PABPC4L: variants seen among roughly 807,000 people sequenced by gnomAD.
The protein encoded by PABPC4L is poly(A) binding protein cytoplasmic 4 like, also known as polyadenylate-binding protein 4-like.
For missense variants in PABPC4L, 452 were observed against 451.4 expected (o/e 1.00, Z -0.01); for synonymous variants, 169 against 164.1 (o/e 1.03, Z -0.23).
At chr4:134,030,941 T>C in the PABPC4L span, among the ~76,000 whole-genome samples, 2 of 152,180 alleles carry the variant, frequency 1.3e-5, no homozygotes, top group South Asian at 2.1e-4. Context: ...CTAAACATTA[T>C]ACCCATTTAT....
the PABPC4L span, among the ~76,000 whole-genome samples, chr4:134,018,586 C>G: frequency 3.3e-5 from 5 of 152,192 alleles, no homozygotes; most frequent in Non-Finnish European, 7.4e-5. Context: ...ACCCTTCTTT[C>G]AAATATTTGT....
chr4:134,173,666 T>C, the PABPC4L span, among the ~76,000 whole-genome samples: 1 of 152,070 alleles, frequency 6.6e-6, no homozygotes, highest in Non-Finnish European at 1.5e-5. Context: ...ACAACTATAG[T>C]TAACAATTTA....
chr4:134,130,365 A>C, the PABPC4L span, among the ~76,000 whole-genome samples: 1 of 152,140 alleles, frequency 6.6e-6, no homozygotes. Context: ...CTGATTCCAC[A>C]GAAATACAAA....
chr4:134,168,649 C>A, the PABPC4L span, among the ~76,000 whole-genome samples: 1 of 151,558 alleles, frequency 6.6e-6, no homozygotes, highest in African/African-American at 2.4e-5. Flanking sequence ...AACTATATGC[C>A]AATAAATTAA....
the PABPC4L span, among the ~76,000 whole-genome samples, chr4:134,026,167 A>C: frequency 8.7e-4 from 133 of 152,200 alleles, no homozygotes; most frequent in African/African-American, 3.0e-3. Context: ...CTCTTATTTA[A>C]AAAAGGGTGA....
the PABPC4L span, among the ~76,000 whole-genome samples, chr4:134,180,597 T>A: frequency 6.6e-6 from 1 of 151,626 alleles, no homozygotes; most frequent in African/African-American, 2.4e-5. Flanking sequence ...TAGGAGCTGA[T>A]TCTTTCAAAA....
At chr4:134,133,398 TATTATATATTA>T in the PABPC4L span, among the ~76,000 whole-genome samples, 1 of 143,810 alleles carries the variant, frequency 7.0e-6, no homozygotes, top group East Asian at 2.0e-4. Flanking sequence ...TAATAATAAA[TATTATATATTA>T]TTATATGGTA....
At chr4:133,953,867 A>T in the PABPC4L span, among the ~76,000 whole-genome samples, 2 of 152,194 alleles carry the variant, frequency 1.3e-5, no homozygotes, top group Admixed American at 6.5e-5. Flanking sequence ...GCCCAACTAT[A>T]AAGATTACAT....
the PABPC4L span, among the ~76,000 whole-genome samples, chr4:133,988,075 C>T: frequency 6.6e-6 from 1 of 152,148 alleles, no homozygotes; most frequent in Non-Finnish European, 1.5e-5. Context: ...AGGTAACTAC[C>T]TCCATGATTC....
At chr4:134,077,773 GA>G in the PABPC4L span, among the ~76,000 whole-genome samples, 5 of 151,804 alleles carry the variant, frequency 3.3e-5, no homozygotes, top group African/African-American at 1.2e-4. Flanking sequence ...TATTCCCATG[GA>G]AGGTTGTTTT....
chr4:134,124,389 G>C, the PABPC4L span, among the ~76,000 whole-genome samples: 1 of 151,962 alleles, frequency 6.6e-6, no homozygotes, highest in Non-Finnish European at 1.5e-5. Context: ...ACCAATTGGA[G>C]CTTGCTGGGT....
chr4:134,160,889 A>G, the PABPC4L span, among the ~76,000 whole-genome samples: 1 of 151,994 alleles, frequency 6.6e-6, no homozygotes, highest in African/African-American at 2.4e-5. Flanking sequence ...TAAAATTTAA[A>G]AGAAAAAAGA....
the PABPC4L span, among the ~76,000 whole-genome samples, chr4:134,070,050 A>C: frequency 7.5e-6 from 1 of 133,078 alleles, no homozygotes; most frequent in African/African-American, 2.9e-5. Flanking sequence ...ATTTTTGCAT[A>C]AGATGGATTT....
chr4:134,188,997 G>A, the PABPC4L span, among the ~76,000 whole-genome samples: 5 of 151,768 alleles, frequency 3.3e-5, no homozygotes, highest in Admixed American at 6.6e-5. Context: ...TTTCTTCACC[G>A]TGTTTTTCAT....
At chr4:134,072,600 A>G in the PABPC4L span, among the ~76,000 whole-genome samples, 1 of 152,322 alleles carries the variant, frequency 6.6e-6, no homozygotes, top group South Asian at 2.1e-4. Context: ...TGGTTCTCAT[A>G]GATTTTCTCA....
chr4:134,089,046 G>A, the PABPC4L span, among the ~76,000 whole-genome samples: 1 of 151,958 alleles, frequency 6.6e-6, no homozygotes, highest in Non-Finnish European at 1.5e-5. Flanking sequence ...GATGAGGAAA[G>A]GAACTAAAGT....
At chr4:134,119,348 G>A in the PABPC4L span, among the ~76,000 whole-genome samples, 2 of 151,650 alleles carry the variant, frequency 1.3e-5, no homozygotes, top group Non-Finnish European at 3.0e-5. Flanking sequence ...TTTTTAAAGA[G>A]AAGTAGATAT....
At chr4:134,027,293 G>A in the PABPC4L span, among the ~76,000 whole-genome samples, 3 of 152,100 alleles carry the variant, frequency 2.0e-5, no homozygotes, top group Non-Finnish European at 4.4e-5. Flanking sequence ...CAGGATGGCA[G>A]GATGGGCCAA....
the PABPC4L span, among the ~76,000 whole-genome samples, chr4:133,992,661 G>A: frequency 6.6e-6 from 1 of 152,166 alleles, no homozygotes; most frequent in South Asian, 2.1e-4. Context: ...TCTAAGAGAT[G>A]AGGCCAATAG....
Sources: gnomAD v4.1 joint callset for allele counts (sites outside exome capture counted in the v4.1 genomes callset) on GRCh38, gnomAD v4.1.1 for gene constraint, MANE v1.5 for transcripts, NCBI Gene and HGNC (gene_info 2026-07-23, HGNC 2026-07-21) for gene names.